TTC17: variants seen among roughly 807,000 people sequenced by gnomAD.
TTC17 encodes the protein tetratricopeptide repeat protein 17.
In TTC17, 58 loss-of-function variants were observed where a neutral mutation model predicts 143.8. The ratio of observed to expected loss-of-function variants is 0.40; its 90% CI spans 0.33 to 0.50. The LOEUF (loss-of-function observed/expected upper bound fraction) is 0.50. Among genes scored for constraint, TTC17 ranks in the 20% least tolerant of loss-of-function variants. TTC17 has a pLI of 0.49. For synonymous variants in TTC17, 501 were observed against 497.8 expected, an observed-to-expected ratio of 1.01 and a Z score of -0.09; for missense variants, 1,273 against 1,392.5, an observed-to-expected ratio of 0.91 and a Z score of 1.37.
At chr11:43,437,144 A>G (rs769061148) in intron 16 of TTC17, among the ~76,000 whole-genome samples, 13 of 151,918 alleles carry the variant, frequency 8.6e-5, no homozygotes, top group Non-Finnish European at 1.0e-4. Context: ...TGGATGTGCC[A>G]TAGGCACTTA....
At chr11:43,484,927 A>G (rs995714936) in intron 21 of TTC17, among the ~76,000 whole-genome samples, 6 of 151,676 alleles carry the variant, frequency 4.0e-5, no homozygotes, top group African/African-American at 1.5e-4. Flanking sequence ...CATGCGAGGG[A>G]TCTAGGTTGC....
intron 21 of TTC17, among the ~76,000 whole-genome samples, chr11:43,458,817 A>G (rs1947810970): frequency 6.6e-6 from 1 of 152,198 alleles, no homozygotes; most frequent in South Asian, 2.1e-4. Flanking sequence ...AGGTAGAGAA[A>G]GATGCAGACC....
At chr11:43,444,834 CA>C (rs1947505772) in intron 18 of TTC17, among the ~76,000 whole-genome samples, 1 of 151,584 alleles carries the variant, frequency 6.6e-6, no homozygotes, top group Non-Finnish European at 1.5e-5. Context: ...AGTAAGATAC[CA>C]GTTTTGATTA....
chr11:43,490,495 CCTT>C (rs952774373), intron 22 of TTC17, 137 bp downstream of exon 22: 1 of 1,322,480 alleles, frequency 7.6e-7, no homozygotes, highest in Admixed American at 2.7e-5. Context: ...GGGCAGGAGA[CCTT>C]CTGACTGGGC....
intron 2 of TTC17, among the ~76,000 whole-genome samples, chr11:43,385,012 A>G (rs1590334506): frequency 1.3e-5 from 2 of 152,264 alleles, no homozygotes; most frequent in South Asian, 4.1e-4. Flanking sequence ...GTATACTTGT[A>G]TGTACCTAAC....
At chr11:43,431,530 T>A (rs1198682518) in intron 16 of TTC17, among the ~76,000 whole-genome samples, 1 of 152,238 alleles carries the variant, frequency 6.6e-6, no homozygotes, top group Non-Finnish European at 1.5e-5. Flanking sequence ...TACTAGAGAT[T>A]CTGAGTTGGC....
intron 22 of TTC17, chr11:43,491,537 T>C (rs1335585718): frequency 6.5e-6 from 1 of 152,836 alleles, no homozygotes; most frequent in African/African-American, 2.4e-5. Context: ...CTGGGAATGA[T>C]TGTGTCCTAA....
At chr11:43,443,255 G>C in intron 16 of TTC17, 70 bp from the exon 17 acceptor site, 1 of 1,560,602 alleles carries the variant, frequency 6.4e-7, no homozygotes, top group East Asian at 2.3e-5. Flanking sequence ...CAAAAGCAGG[G>C]TTGGAGTCAC....
intron 15 of TTC17, among the ~76,000 whole-genome samples, chr11:43,410,728 C>G (rs1405105530): frequency 1.3e-5 from 2 of 152,148 alleles, no homozygotes; most frequent in Non-Finnish European, 2.9e-5. Flanking sequence ...AGGCCAAAAC[C>G]AAACTCCTTA....
In TTC17 at chr11:43,455,037, C is replaced by T. The variant is rs140783870; in HGVS notation, c.3030+3772C>T. On this transcript the variant is annotated intron_variant, in intron 21 of 23. Transcript: ENST00000039989. ...ATTATATCAGAGCAGTGAACAAATT[C>T]CAAGGAAGAAAATAAAAGTAGCATT... Among the ~76,000 whole-genome samples the T allele has an allele frequency of 7.4e-3, 1,116 of 150,850 alleles. 16 individuals are homozygous for T. The highest frequency in any genetic ancestry group is 0.026 in the African/African-American group (1,059 of 41,206).
chr11:43,403,698 G>A (rs1306126129), intron 10 of TTC17, among the ~76,000 whole-genome samples: 3 of 152,282 alleles, frequency 2.0e-5, no homozygotes, highest in African/African-American at 7.2e-5. Flanking sequence ...TTCTCAATTA[G>A]CTAATTATTA....
chr11:43,407,901 C>T (rs1858219124), intron 15 of TTC17, among the ~76,000 whole-genome samples: 1 of 151,744 alleles, frequency 6.6e-6, no homozygotes, highest in African/African-American at 2.4e-5. Context: ...TTATCCTACT[C>T]ATCACAGCAT....
chr11:43,369,350 A>G (rs1565128806), intron 1 of TTC17, among the ~76,000 whole-genome samples: 1 of 152,220 alleles, frequency 6.6e-6, no homozygotes, highest in Non-Finnish European at 1.5e-5. Flanking sequence ...TCTAGATAAC[A>G]ACTGTGCAAT....
chr11:43,477,940 T>C (rs1310774324), intron 21 of TTC17, among the ~76,000 whole-genome samples: 2 of 152,178 alleles, frequency 1.3e-5, no homozygotes, highest in African/African-American at 4.8e-5. Context: ...ATATCAGCAG[T>C]GATCATCACT....
intron 1 of TTC17, among the ~76,000 whole-genome samples, chr11:43,377,356 T>G (rs1856800725): frequency 6.6e-6 from 1 of 152,218 alleles, no homozygotes; most frequent in South Asian, 2.1e-4. Flanking sequence ...TGCCATTGAC[T>G]GAAATGTTAT....
At chr11:43,468,421 A>G (rs1359013994) in intron 21 of TTC17, 1 of 152,224 alleles carries the variant, frequency 6.6e-6, no homozygotes, top group Non-Finnish European at 1.5e-5. Flanking sequence ...TGTAATAAGT[A>G]TGTCTGGAAT....
rs544987702 is a variant in TTC17, at chr11:43,380,178, A to G, written c.249+856A>G. ...TAAAGACAATGAATTGCCTGACTTC[A>G]CAAAGCAAGATATGGCAGAACCAGA... On this transcript the variant is annotated intron_variant, in intron 2 of 23. Coordinates refer to ENST00000039989, the MANE Select transcript of TTC17 (RefSeq NM_018259.6). Among the ~76,000 whole-genome samples, 33 of 152,348 alleles carry G rather than the reference A, an allele frequency of 2.2e-4. 1 individual carries two copies. The South Asian group carries it at 6.6e-3, about 31-fold the overall frequency.
At chr11:43,434,168 GACACACACACACACAC>G (rs55913890) in intron 16 of TTC17, among the ~76,000 whole-genome samples, 9,607 of 125,432 alleles carry the variant, frequency 0.077, 468 homozygotes, top group East Asian at 0.15. Context: ...CATGGGCGGG[GACACACACACACACAC>G]ACACACACAC....
intron 16 of TTC17, among the ~76,000 whole-genome samples, chr11:43,442,225 A>G (rs1947439683): frequency 1.3e-5 from 2 of 152,222 alleles, no homozygotes; most frequent in African/African-American, 4.8e-5. Context: ...TGGCACCACC[A>G]TGGTATATGC....
Sources: allele counts gnomAD v4.1 joint callset (sites outside exome capture counted in the v4.1 genomes callset), GRCh38; gene constraint gnomAD v4.1.1; transcripts MANE v1.5; gene names NCBI Gene and HGNC (gene_info 2026-07-23, HGNC 2026-07-21).